Variants in ALOX12B observed in about 807,000 individuals in gnomAD.
The protein encoded by ALOX12B is arachidonate 12-lipoxygenase, 12R-type.
A neutral mutation model predicts 78.9 loss-of-function variants in ALOX12B; 47 were observed. The ratio of observed to expected loss-of-function variants is 0.60; its 90% confidence interval spans 0.47 to 0.76. The LOEUF (loss-of-function observed/expected upper bound fraction) is 0.76. Among genes scored for constraint, ALOX12B ranks in the 30% least tolerant of loss-of-function variants. ALOX12B has a pLI of 0.00. For synonymous variants in ALOX12B, 370 were observed against 374.5 expected, an observed-to-expected ratio of 0.99 and a Z score of 0.14; for missense variants, 805 against 922.6, an observed-to-expected ratio of 0.87 and a Z score of 1.65.
rs369676019 is a variant in ALOX12B, at chr17:8,080,630, C to A, written c.650+28G>T. 6.2e-7 allele frequency: 1 copy of A among 1,613,926 alleles called. No individual in the cohort carries two copies. Among genetic ancestry groups the A allele is most frequent in the South Asian group, 1.1e-5 (1 of 90,956 alleles). On this transcript the variant is annotated intron_variant, in intron 5 of 14. Transcript: ENST00000647874. This position sits in a 1 kb window ranked among gnomAD's most constrained non-coding sequence, Gnocchi z 4.8. ...GAGGGAAAGTTCTTGCAGGAGCCCT[C>A]GTTCTCCCGTCACTCACACGGACTC... is the stretch of plus-strand genomic sequence containing the variant.
In ALOX12B at chr17:8,087,554, T is replaced by A. The variant is rs1428789860; in HGVS notation, c.-112A>T. 6.4e-7 allele frequency: 1 copy of A among 1,564,620 alleles called. No individual in the cohort carries two copies. The highest frequency in any genetic ancestry group is 8.7e-7 in the Non-Finnish European group (1 of 1,149,106). ...AGGCACAGAGTGGAGTGGACAGGGCTGGCCTCCGAGGTGCAGTGGTGAGGT... is the reference window on the plus strand; with the variant it reads ...AGGCACAGAGTGGAGTGGACAGGGCAGGCCTCCGAGGTGCAGTGGTGAGGT... On this transcript the variant is annotated 5_prime_UTR_variant, in exon 1 of 15. Coordinates refer to ENST00000647874, the MANE Select transcript of ALOX12B (RefSeq NM_001139.3).
At chr17:8,075,509 C>T (rs1431527740) in intron 12 of ALOX12B, 86 bp downstream of exon 12, 3 of 1,599,926 alleles carry the variant, frequency 1.9e-6, no homozygotes, top group African/African-American at 2.7e-5. Flanking sequence ...TGTTCTGATC[C>T]AGCCCAGGAG....
At chr17:8,081,017 C>A (rs777178395) in intron 3 of ALOX12B, 41 bp from the exon 4 acceptor site, 1 of 1,613,070 alleles carries the variant, frequency 6.2e-7, no homozygotes, top group Admixed American at 1.7e-5. Flanking sequence ...GCCCGTGCAC[C>A]ACCCCAGGGC....
Position 8,076,262 on chromosome 17 carries a change from G to C in ALOX12B, c.1445C>G (p.Pro482Arg). 6.2e-7 allele frequency: 1 copy of C among 1,614,102 alleles called. No homozygotes were observed. The highest frequency in any genetic ancestry group is 8.5e-7 in the Non-Finnish European group (1 of 1,179,996). Reference sequence around the variant, plus strand: ...GACCCCACGCTCCACAAAGTCATTGGGGAGGTAGAGGCTGTCATAGGTGAG... The same window carrying C: ...GACCCCACGCTCCACAAAGTCATTGCGGAGGTAGAGGCTGTCATAGGTGAG... ...SELTYDSLYL[P>R]NDFVERGVQD... is the part of the protein sequence containing the mutation. The change falls in exon 11 of 15, where the codon CCC becomes CGC. Residue 482 changes from proline (P) to arginine (R), a missense_variant. Transcript: ENST00000647874.
chr17:8,075,543 G>C lies in ALOX12B; in HGVS notation c.1654+52C>G, dbSNP rs373335212. 46 of 1,612,338 alleles carry C rather than the reference G, an allele frequency of 2.9e-5. 3 individuals carry two copies. Among genetic ancestry groups the C allele is most frequent in the East Asian group, 8.9e-5 (4 of 44,880 alleles). ...AGGGCCCTAGCAGACCTGCCTGGGG[G>C]CTGCCCCTCAGTCCCAGCTCCCCCT... On this transcript the variant is annotated intron_variant, in intron 12 of 14. Transcript: ENST00000647874.
In ALOX12B at chr17:8,072,904, G is replaced by A. The variant is rs748339571; in HGVS notation, c.1973C>T (p.Pro658Leu). 3.1e-6 allele frequency: 5 copies of A among 1,613,850 alleles called. No homozygotes were observed. The highest frequency in any genetic ancestry group is 2.2e-5 in the East Asian group (1 of 44,878). ...FPDIHFVEEA[P>L]RRSIEAFRQR... ...GCGGAACGCCTCTATGCTCCTCCGC[G>A]GGGCCTCCTCCACGAAGTGAATGTC... Residue 658 changes from proline to leucine, a missense_variant, in exon 15 of 15, where the codon CCG becomes CTG. Coordinates refer to ENST00000647874, the MANE Select transcript of ALOX12B (RefSeq NM_001139.3).
chr17:8,083,398 T>C (rs8066922), intron 2 of ALOX12B, among the ~76,000 whole-genome samples: 109,000 of 152,054 alleles, frequency 0.72, 39,320 homozygotes, highest in African/African-American at 0.8. Flanking sequence ...TGCCCCGTAG[T>C]GGGCTGCTTC....
rs1977009610 is a variant in ALOX12B at position 8,072,873 on chromosome 17, G to A, written c.2004C>T (p.Arg668=). The A allele has an allele frequency of 1.2e-6, 2 of 1,614,186 alleles. No individual in the cohort carries two copies. The highest frequency in any genetic ancestry group is 1.7e-6 in the Non-Finnish European group (2 of 1,180,030). Residue 668 remains arginine, a synonymous_variant, in exon 15 of 15, where the codon CGC becomes CGT. Coordinates refer to ENST00000647874, the MANE Select transcript of ALOX12B (RefSeq NM_001139.3). ...PRRSIEAFRQ[R]LNQISHDIRQ... ...GGATGTCGTGTGAGATCTGGTTCAG[G>A]CGCTGGCGGAACGCCTCTATGCTCC...
In ALOX12B at chr17:8,087,603, GC is replaced by G; in HGVS notation, c.-162del. On this transcript the variant is annotated 5_prime_UTR_variant, in exon 1 of 15. Transcript: ENST00000647874. ...GTGGCGAGGTGGGGTGACTAGGCCT[GC>G]CAGCCAAATTCTGGAAAAGCTGCTG... 8.2e-7 allele frequency: 1 copy of G among 1,220,782 alleles called. No individual in the cohort carries two copies. Among genetic ancestry groups the G allele is most frequent in the Non-Finnish European group, 1.2e-6 (1 of 868,906 alleles). 75.6% of individuals were successfully genotyped at this position (1,220,782 alleles called of 1,614,324 possible). A position where few individuals can be genotyped will look rare whatever the true frequency, so the allele number is the denominator to read the frequency against.
chr17:8,080,335 T>C lies in ALOX12B; in HGVS notation c.654A>G (p.Ala218=). 1 of 1,614,114 alleles carries C rather than the reference T, an allele frequency of 6.2e-7. No individual in the cohort carries two copies. The highest frequency in any genetic ancestry group is 8.5e-7 in the Non-Finnish European group (1 of 1,179,988). ...ASFFVRLGPM[A]LAFKVRGLLD... ...ACAGGCCGCGGACTTTGAAAGCCAG[T>C]GCCCTAGGAGATGGGATTCCAGGAA... is the stretch of plus-strand genomic sequence containing the variant. Residue 218 remains alanine, a synonymous_variant, in exon 6 of 15, where the codon GCA becomes GCG. Coordinates refer to ENST00000647874, the MANE Select transcript of ALOX12B (RefSeq NM_001139.3). The surrounding 1 kb of genome is among the most constrained non-coding windows in gnomAD (Gnocchi z 4.8).
At chr17:8,078,709 G>A (rs773094850) in intron 8 of ALOX12B, among the ~76,000 whole-genome samples, 2 of 152,058 alleles carry the variant, frequency 1.3e-5, no homozygotes, top group Admixed American at 6.5e-5. Flanking sequence ...CTGCCAAGGC[G>A]GTCCTTGAGC....
In ALOX12B at chr17:8,079,733, G is replaced by T. The variant is rs1438781821; in HGVS notation, c.927+36C>A. The T allele has an allele frequency of 6.3e-7, 1 of 1,598,142 alleles. No homozygotes were observed. The highest frequency in any genetic ancestry group is 1.3e-5 in the African/African-American group (1 of 74,528). On this transcript the variant is annotated intron_variant, in intron 7 of 14. Transcript: ENST00000647874. This position sits in a 1 kb window ranked among gnomAD's most constrained non-coding sequence, Gnocchi z 6.4. ...CGGGGATGCCCGCGAGGGAGGCCGG[G>T]AGGAGGGCCGGGGTCTCCGCCGGAG...
chr17:8,073,452 G>T, intron 13 of ALOX12B, 134 bp from the exon 14 acceptor site: 14 of 893,532 alleles, frequency 1.6e-5, no homozygotes, highest in East Asian at 3.4e-5. Context: ...GGCTGGGTTG[G>T]TTAGACTGGG....
intron 9 of ALOX12B, 55 bp downstream of exon 9, chr17:8,076,935 G>T (rs1977097418): frequency 1.3e-6 from 2 of 1,573,124 alleles, no homozygotes; most frequent in Admixed American, 1.8e-5. Context: ...GGGGTTTTCG[G>T]AGGCCAGGTG....
In ALOX12B at chr17:8,073,138, C is replaced by T; in HGVS notation, c.1926+10G>A. 1.2e-6 allele frequency: 2 copies of T among 1,614,118 alleles called. No homozygotes were observed. The highest frequency in any genetic ancestry group is 1.1e-5 in the South Asian group (1 of 91,074). On this transcript the variant is annotated intron_variant, in intron 14 of 14. Coordinates refer to ENST00000647874, the MANE Select transcript of ALOX12B (RefSeq NM_001139.3). Reference sequence around the variant, plus strand: ...TCCCTGTGCTCAGAGTCCCCCATCCCGTCTCGCACCCTGTCGTCAGGCTCT... The same window carrying T: ...TCCCTGTGCTCAGAGTCCCCCATCCTGTCTCGCACCCTGTCGTCAGGCTCT...
Position 8,080,834 on chromosome 17 carries a change from C to G in ALOX12B, c.527+50G>C, listed in dbSNP as rs187603116. ...ATCCAGGGGGCGGGGAGGAGGCAGG[C>G]GCCCAGGGGAAAACCATGGGCGGGG... is the stretch of plus-strand genomic sequence containing the variant. On this transcript the variant is annotated intron_variant, in intron 4 of 14. Coordinates refer to ENST00000647874, the MANE Select transcript of ALOX12B (RefSeq NM_001139.3). This position sits in a 1 kb window ranked among gnomAD's most constrained non-coding sequence, Gnocchi z 4.8. 5,601 of 1,613,780 alleles carry G rather than the reference C, an allele frequency of 3.5e-3. 98 individuals are homozygous for G. In the Admixed American group the frequency reaches 0.035, roughly 10 times the overall value.
chr17:8,080,506 A>T lies in ALOX12B; in HGVS notation c.650+152T>A, dbSNP rs770837830. 9 of 1,408,700 alleles carry T rather than the reference A, an allele frequency of 6.4e-6. No individual in the cohort carries two copies. In the South Asian group the frequency reaches 9.5e-5, roughly 15 times the overall value. 87.3% of individuals were successfully genotyped at this position (1,408,700 alleles called of 1,614,324 possible). ...ATCTTTGCATCTCTAGGTCTCTGGG[A>T]TCATGTCTCAGGTTTTCTGGGTCTG... On this transcript the variant is annotated intron_variant, in intron 5 of 14. Transcript: ENST00000647874. This position sits in a 1 kb window ranked among gnomAD's most constrained non-coding sequence, Gnocchi z 4.8.
intron 2 of ALOX12B, among the ~76,000 whole-genome samples, chr17:8,083,479 C>A (rs1460063121): frequency 6.6e-6 from 1 of 152,098 alleles, no homozygotes; most frequent in African/African-American, 2.4e-5. Flanking sequence ...GCCTGTAATC[C>A]CAGCACTTTG....
chr17:8,075,504 T>C, intron 12 of ALOX12B, 91 bp downstream of exon 12: 1 of 1,596,922 alleles, frequency 6.3e-7, no homozygotes, highest in South Asian at 1.1e-5. Flanking sequence ...AAATATGTTC[T>C]GATCCAGCCC....
Sources: gnomAD v4.1 joint callset for allele counts (sites outside exome capture counted in the v4.1 genomes callset) on GRCh38, gnomAD v4.1.1 for gene constraint, Gnocchi (gnomAD v3.1) non-coding constraint, MANE v1.5 for transcripts, NCBI Gene and HGNC (gene_info 2026-07-23, HGNC 2026-07-21) for gene names.